ZBTB43: variants seen among roughly 807,000 people sequenced by gnomAD.
ZBTB43 encodes the protein zinc finger and BTB domain containing 43.
A neutral mutation model predicts 31.1 loss-of-function variants in ZBTB43; 6 were observed. That is an observed-to-expected ratio of 0.19 (90% CI 0.11 to 0.38). The LOEUF is 0.38. Among genes scored for constraint, ZBTB43 ranks in the 10% least tolerant of loss-of-function variants. The pLI, the probability that ZBTB43 is intolerant of heterozygous loss-of-function variation, is 1.00. For missense variants in ZBTB43, 379 were observed against 602.1 expected (o/e 0.63, Z 3.88); for synonymous variants, 212 against 221.7 (o/e 0.96, Z 0.39).
intron 2 of ZBTB43, among the ~76,000 whole-genome samples, chr9:126,816,821 G>C (rs1257145611): frequency 6.6e-6 from 1 of 152,184 alleles, no homozygotes; most frequent in Non-Finnish European, 1.5e-5. Context: ...TGGCCCAACT[G>C]GCAAATGATG....
chr9:126,830,904 G>A (rs954122731), intron 2 of ZBTB43, among the ~76,000 whole-genome samples: 2 of 152,182 alleles, frequency 1.3e-5, no homozygotes, highest in Non-Finnish European at 2.9e-5. Context: ...CTTAGTCTTC[G>A]TTATAACTTT....
At chr9:126,810,556 C>T (rs545438109) in intron 2 of ZBTB43, among the ~76,000 whole-genome samples, 17 of 134,388 alleles carry the variant, frequency 1.3e-4, no homozygotes, top group African/African-American at 3.9e-4. Flanking sequence ...GGCTGGAGCG[C>T]GTGGCGAGAT....
In ZBTB43 at chr9:126,821,405, A is replaced by G. The variant is rs181725343; in HGVS notation, c.-23-11082A>G. 6.6e-5 allele frequency among the ~76,000 whole-genome samples: 10 copies of G among 152,264 alleles called. No homozygotes were observed. The East Asian group carries it at 1.7e-3, about 26-fold the overall frequency. ...AAAAAAGAAAAAAAGAAACACAAAA[A>G]AAATGTTTTGGAAAGGATTCACTAT... On this transcript the variant is annotated intron_variant, in intron 2 of 2. Transcript: ENST00000373464.
upstream of ZBTB43, chr9:126,804,964 TGACGCACCCCCG>T (rs1564197142): frequency 6.6e-6 from 1 of 152,480 alleles, no homozygotes; most frequent in East Asian, 1.9e-4. Flanking sequence ...GCTTTCTCTC[TGACGCACCCCCG>T]GAAGCACTGT....
In ZBTB43 at chr9:126,836,350, A is replaced by G. The variant is rs930716184; in HGVS notation, c.*2437A>G. On this transcript the variant is annotated 3_prime_UTR_variant, in exon 3 of 3. Transcript: ENST00000373464. ...TGAAAGCCTTATGTGTCCATCAGCTACTAAATGTAGAACTTAAATAAGTTG... is the reference window on the plus strand; with the variant it reads ...TGAAAGCCTTATGTGTCCATCAGCTGCTAAATGTAGAACTTAAATAAGTTG... 6.0e-6 allele frequency: 1 copy of G among 166,470 alleles called. No individual in the cohort carries two copies. Among genetic ancestry groups the G allele is most frequent in the Non-Finnish European group, 1.5e-5 (1 of 68,126 alleles). The allele number at this position is 166,470 out of a possible 1,614,324, so 10.3% of individuals were successfully genotyped here.
rs202188837 is a variant in ZBTB43 at position 126,812,171 on chromosome 9, C to G, written c.-24+3256C>G. ...CATATAAGTGGAGTCATACAAGATACGGCCTTTTGTGTCCGACCTCTTTCA... is the reference window on the plus strand; with the variant it reads ...CATATAAGTGGAGTCATACAAGATAGGGCCTTTTGTGTCCGACCTCTTTCA... On this transcript the variant is annotated intron_variant, in intron 2 of 2. Coordinates refer to ENST00000373464, the MANE Select transcript of ZBTB43 (RefSeq NM_014007.4). Among the ~76,000 whole-genome samples the G allele has an allele frequency of 2.6e-5, 4 of 152,224 alleles. No individual in the cohort carries two copies. The East Asian group carries it at 7.7e-4, about 29-fold the overall frequency.
chr9:126,809,764 G>T (rs1393127959), intron 2 of ZBTB43, among the ~76,000 whole-genome samples: 1 of 152,084 alleles, frequency 6.6e-6, no homozygotes, highest in African/African-American at 2.4e-5. Flanking sequence ...GCTGGCATCG[G>T]TGTGTTTGTT....
intron 2 of ZBTB43, among the ~76,000 whole-genome samples, chr9:126,812,852 T>A: frequency 6.6e-6 from 1 of 152,234 alleles, no homozygotes; most frequent in Non-Finnish European, 1.5e-5. Context: ...ATTTCTCCTA[T>A]TCTGTGGGTT....
intron 2 of ZBTB43, among the ~76,000 whole-genome samples, chr9:126,829,147 A>G (rs1442662376): frequency 2.6e-5 from 4 of 152,160 alleles, no homozygotes; most frequent in East Asian, 1.9e-4. Context: ...GGTAATATGT[A>G]TCAGAAAATT....
At chr9:126,816,177 C>T (rs886815811) in intron 2 of ZBTB43, among the ~76,000 whole-genome samples, 1 of 152,134 alleles carries the variant, frequency 6.6e-6, no homozygotes, top group Non-Finnish European at 1.5e-5. Flanking sequence ...GGCTGTACAT[C>T]GATCTCTCTT....
intron 2 of ZBTB43, among the ~76,000 whole-genome samples, chr9:126,819,974 A>T (rs2032476052): frequency 6.6e-6 from 1 of 152,066 alleles, no homozygotes; most frequent in African/African-American, 2.4e-5. Context: ...GAAGACCCTA[A>T]CTCTCTTCAT....
Position 126,834,050 on chromosome 9 carries a change from C to T in ZBTB43, c.*137C>T. 1 of 1,037,328 alleles carries T rather than the reference C, an allele frequency of 9.6e-7. No homozygotes were observed. The highest frequency in any genetic ancestry group is 2.6e-5 in the East Asian group (1 of 38,518). 64.3% of individuals were successfully genotyped at this position (1,037,328 alleles called of 1,614,324 possible). A position where few individuals can be genotyped will look rare whatever the true frequency, so the allele number is the denominator to read the frequency against. ...AAAAAGGAAGATATTTCTGAAAGACCAGCTCTAAGTAGGCCAATTAAAAAA... is the reference window on the plus strand; with the variant it reads ...AAAAAGGAAGATATTTCTGAAAGACTAGCTCTAAGTAGGCCAATTAAAAAA... On this transcript the variant is annotated 3_prime_UTR_variant, in exon 3 of 3. Coordinates refer to ENST00000373464, the MANE Select transcript of ZBTB43 (RefSeq NM_014007.4).
intron 2 of ZBTB43, among the ~76,000 whole-genome samples, chr9:126,813,568 A>G (rs1161923227): frequency 6.6e-6 from 1 of 152,158 alleles, no homozygotes; most frequent in Non-Finnish European, 1.5e-5. Context: ...GAGATCTGAA[A>G]TGGCTTTCTG....
chr9:126,811,019 C>T (rs998285706), intron 2 of ZBTB43, among the ~76,000 whole-genome samples: 7 of 151,358 alleles, frequency 4.6e-5, no homozygotes, highest in Admixed American at 2.6e-4. Flanking sequence ...GTCAGGAGTT[C>T]GAGACCAACC....
rs1450221484 is a variant in ZBTB43 at position 126,832,308 on chromosome 9, C to T, written c.-23-179C>T. The T allele has an allele frequency of 6.5e-6, 4 of 618,294 alleles. No individual in the cohort carries two copies. The East Asian group carries it at 8.4e-5, about 13-fold the overall frequency. The allele number at this position is 618,294 out of a possible 1,614,324, so 38.3% of individuals were successfully genotyped here. A position where few individuals can be genotyped will look rare whatever the true frequency, so the allele number is the denominator to read the frequency against. ...AGTTCCACAAGGAGTGGTGGTGAGT[C>T]CTGCCTTTGGCAAACACGCACCTGC... On this transcript the variant is annotated intron_variant, in intron 2 of 2. Transcript: ENST00000373464.
chr9:126,821,926 G>A (rs1778638176), intron 2 of ZBTB43, among the ~76,000 whole-genome samples: 1 of 152,000 alleles, frequency 6.6e-6, no homozygotes, highest in South Asian at 2.1e-4. Context: ...GCAATGGCAC[G>A]ATCTTGGCTC....
chr9:126,807,450 C>T (rs1460740611), intron 1 of ZBTB43, among the ~76,000 whole-genome samples: 2 of 152,144 alleles, frequency 1.3e-5, no homozygotes, highest in Non-Finnish European at 2.9e-5. Context: ...TCCTTTGTGT[C>T]ATCAAGAACA....
intron 2 of ZBTB43, among the ~76,000 whole-genome samples, chr9:126,825,141 A>G (rs988221549): frequency 4.6e-5 from 7 of 151,992 alleles, no homozygotes; most frequent in Non-Finnish European, 7.4e-5. Flanking sequence ...GGTTCTCACT[A>G]TGTTGCCCAG....
Position 126,835,841 on chromosome 9 carries a change from GAC to G in ZBTB43, c.*1933_*1934del, listed in dbSNP as rs749865751. On this transcript the variant is annotated 3_prime_UTR_variant, in exon 3 of 3. Transcript: ENST00000373464. The stretch of plus-strand genomic sequence containing the variant: ...TTAGCAGTCTTTTCTCTGTGTACCT[GAC>G]ACACGTATACTGAGGGGATTGTACA... The G allele has an allele frequency of 1.2e-5, 2 of 166,734 alleles. No homozygotes were observed. Among genetic ancestry groups the G allele is most frequent in the African/African-American group, 4.8e-5 (2 of 41,336 alleles). 10.3% of individuals were successfully genotyped at this position (166,734 alleles called of 1,614,324 possible).
Sources: allele counts gnomAD v4.1 joint callset (sites outside exome capture counted in the v4.1 genomes callset), GRCh38; gene constraint gnomAD v4.1.1; transcripts MANE v1.5; gene names NCBI Gene and HGNC (gene_info 2026-07-23, HGNC 2026-07-21).